NFIC: variants seen among roughly 807,000 people sequenced by gnomAD.
NFIC encodes the protein nuclear factor 1 C-type.
A neutral mutation model predicts 54.4 loss-of-function variants in NFIC; 12 were observed. The observed-to-expected ratio is 0.22, with a 90% CI of 0.14 to 0.36. The LOEUF is 0.36. NFIC is among the 10% of genes least tolerant of loss of function. NFIC has a pLI of 1.00. For synonymous variants in NFIC, 322 were observed against 319.2 expected (o/e 1.01, Z -0.09); for missense variants, 575 against 718.2 (o/e 0.80, Z 2.28).
chr19:3,364,957 G>A (rs939637074), upstream of NFIC, among the ~76,000 whole-genome samples: 2 of 152,178 alleles, frequency 1.3e-5, no homozygotes, highest in African/African-American at 4.8e-5. Flanking sequence ...GCTCCCCACA[G>A]CTGCACAGTG....
At position 3,465,451 on chromosome 19, in the gene NFIC, AAAAG is replaced by A. The variant is rs2082706698; in HGVS notation, c.*2683_*2686del. 1.3e-5 allele frequency: 2 copies of A among 149,648 alleles called. No homozygotes were observed. Among genetic ancestry groups the A allele is most frequent in the African/African-American group, 2.4e-5 (1 of 41,028 alleles). The allele number at this position is 149,648 out of a possible 1,614,324, so 9.3% of individuals were successfully genotyped here. On this transcript the variant is annotated 3_prime_UTR_variant, in exon 11 of 11. Transcript: ENST00000443272. ...AATCTAAAAAAAAAAAAAAAAAAAA[AAAAG>A]GAAGAAAAACCACGCTAAAAATCAA...
At chr19:3,451,298 G>A (rs542659559) in intron 7 of NFIC, among the ~76,000 whole-genome samples, 85 of 152,246 alleles carry the variant, frequency 5.6e-4, no homozygotes, top group Admixed American at 1.1e-3. Flanking sequence ...GCTGGGGGAG[G>A]AGGTGAGGAG....
chr19:3,417,125 T>A (rs1484247395), intron 2 of NFIC, among the ~76,000 whole-genome samples: 2 of 149,002 alleles, frequency 1.3e-5, no homozygotes, highest in African/African-American at 4.9e-5. Context: ...GACCTCGTGA[T>A]CCGCCCGCCT....
At chr19:3,388,996 C>A (rs559289485) in intron 2 of NFIC, among the ~76,000 whole-genome samples, 1 of 152,222 alleles carries the variant, frequency 6.6e-6, no homozygotes, top group South Asian at 2.1e-4. Flanking sequence ...CAGAGTGAGA[C>A]CCTGTCTCCA....
upstream of NFIC, chr19:3,366,516 A>T: frequency 2.7e-6 from 1 of 367,920 alleles, no homozygotes; most frequent in Non-Finnish European, 4.4e-6. Flanking sequence ...CGGCGAGGAG[A>T]GCGCGCCGGC....
In NFIC at chr19:3,453,911, C is replaced by T. The variant is rs1426353918; in HGVS notation, c.1418C>T (p.Ser473Leu). 5.2e-6 allele frequency: 8 copies of T among 1,538,706 alleles called. No individual in the cohort carries two copies. Among genetic ancestry groups the T allele is most frequent in the Admixed American group, 2.1e-5 (1 of 47,358 alleles). The change falls in exon 9 of 11, where the codon TCG becomes TTG. Residue 473 changes from serine (S) to leucine (L), a missense_variant. Physicochemically the swap from Ser to Leu is moderately radical, Grantham distance 145. Transcript: ENST00000443272. The surrounding 1 kb of genome is among the most constrained non-coding windows in gnomAD (Gnocchi z 6.7). ...GAGGGAGGAGCCACGTCGCCGACCT[C>T]GCCTTGTAAGCACGCGGGAAGCGGT... ...TSEGGATSPT[S>L]PSYSPPDTSP... is the part of the protein sequence containing the mutation.
upstream of NFIC, among the ~76,000 whole-genome samples, chr19:3,365,678 G>T (rs116381300): frequency 0.013 from 1,953 of 152,270 alleles, 27 homozygotes; most frequent in African/African-American, 0.025. Flanking sequence ...GGAAATTATT[G>T]GATACCCAGG....
Position 3,445,059 on chromosome 19 carries a change from GCATA to G in NFIC, c.959-3950_959-3947del, listed in dbSNP as rs10596727. The stretch of plus-strand genomic sequence containing the variant: ...CACAGATATGAACGTGCATGTACAG[GCATA>G]CATATGCAGGCGTGCACACGTCCAC... On this transcript the variant is annotated intron_variant, in intron 6 of 10. Transcript: ENST00000443272. Among the ~76,000 whole-genome samples the G allele has an allele frequency of 6.1e-3, 931 of 151,630 alleles. 9 individuals are homozygous for G. Among genetic ancestry groups the G allele is most frequent in the African/African-American group, 0.021 (876 of 41,272 alleles).
chr19:3,443,260 A>G (rs2082320419), intron 6 of NFIC, among the ~76,000 whole-genome samples: 1 of 152,012 alleles, frequency 6.6e-6, no homozygotes, highest in Non-Finnish European at 1.5e-5. Flanking sequence ...TGTCTCTACA[A>G]AAAAATACCA....
At chr19:3,407,148 C>G (rs2145557717) in intron 2 of NFIC, among the ~76,000 whole-genome samples, 1 of 152,296 alleles carries the variant, frequency 6.6e-6, no homozygotes, top group South Asian at 2.1e-4. Flanking sequence ...GAGTCTCGCT[C>G]TGTCGCCCAG....
chr19:3,455,200 G>A (rs1599724900), intron 9 of NFIC, among the ~76,000 whole-genome samples: 2 of 152,378 alleles, frequency 1.3e-5, no homozygotes, highest in Non-Finnish European at 1.5e-5. Flanking sequence ...AAATGGGAGC[G>A]TTGACTGCAT....
intron 3 of NFIC, among the ~76,000 whole-genome samples, chr19:3,429,233 A>C (rs1487995782): frequency 1.9e-5 from 1 of 53,118 alleles, no homozygotes; most frequent in South Asian, 7.0e-4. Context: ...CTCTACCCCA[A>C]AAAAAAAAAA....
chr19:3,404,843 C>A (rs1477180202), intron 2 of NFIC, among the ~76,000 whole-genome samples: 2 of 152,170 alleles, frequency 1.3e-5, no homozygotes, highest in Non-Finnish European at 2.9e-5. Flanking sequence ...GACCTCCAGA[C>A]CCGCTGCCCA....
upstream of NFIC, among the ~76,000 whole-genome samples, chr19:3,363,272 T>A (rs1485157730): frequency 0.029 from 1,573 of 53,980 alleles, 3 homozygotes; most frequent in Non-Finnish European, 0.041. Flanking sequence ...TATATATATT[T>A]TTTTTTTTTT....
At chr19:3,432,725 A>G (rs2082140006) in intron 3 of NFIC, among the ~76,000 whole-genome samples, 1 of 139,102 alleles carries the variant, frequency 7.2e-6, no homozygotes, top group African/African-American at 2.8e-5. Context: ...GGCTGGATGG[A>G]GTGCAGTGGC....
upstream of NFIC, chr19:3,366,428 A>C: frequency 2.1e-6 from 1 of 475,178 alleles, no homozygotes; most frequent in East Asian, 3.7e-5. Flanking sequence ...AGACGGAGGG[A>C]GAGAGGGACA....
intron 2 of NFIC, among the ~76,000 whole-genome samples, chr19:3,401,999 G>A (rs2081564670): frequency 6.6e-6 from 1 of 151,634 alleles, no homozygotes; most frequent in African/African-American, 2.4e-5. Context: ...TAGGATTACA[G>A]GTGTGAACCA....
chr19:3,440,224 C>T (rs2082272062), intron 6 of NFIC, among the ~76,000 whole-genome samples: 1 of 152,052 alleles, frequency 6.6e-6, no homozygotes. Flanking sequence ...GCGGGGCTGT[C>T]TTGGGCACTG....
chr19:3,467,835 T>C lies in NFIC; in HGVS notation c.*5066T>C, dbSNP rs2082738260. 1 of 144,780 alleles carries C rather than the reference T, an allele frequency of 6.9e-6. No homozygotes were observed. Among genetic ancestry groups the C allele is most frequent in the African/African-American group, 2.6e-5 (1 of 37,938 alleles). 9.0% of individuals were successfully genotyped at this position (144,780 alleles called of 1,614,324 possible). On this transcript the variant is annotated 3_prime_UTR_variant, in exon 11 of 11. Transcript: ENST00000443272. ...TAATACAGAATATATAGTGGCTACC[T>C]TGTATCTTGGTCTGGATTCTCTCTC...
Sources: gnomAD v4.1 joint callset for allele counts (sites outside exome capture counted in the v4.1 genomes callset) on GRCh38, gnomAD v4.1.1 for gene constraint, Gnocchi (gnomAD v3.1) non-coding constraint, MANE v1.5 for transcripts, NCBI Gene and HGNC (gene_info 2026-07-23, HGNC 2026-07-21) for gene names.